CTNNA3: variants seen among roughly 807,000 people sequenced by gnomAD.
CTNNA3 encodes catenin alpha 3.
CTNNA3 carries 76 observed loss-of-function variants against 95.7 expected under a neutral mutation model. That is an observed-to-expected ratio of 0.79 (90% confidence interval 0.66 to 0.96). CTNNA3 has a LOEUF of 0.96. Ranked by LOEUF, CTNNA3 falls within the 40% of genes least tolerant of loss-of-function variation. The pLI is 0.00. For synonymous variants in CTNNA3, 431 were observed against 374.4 expected, an observed-to-expected ratio of 1.15 and a Z score of -1.74; for missense variants, 1,191 against 1,089.8, an observed-to-expected ratio of 1.09 and a Z score of -1.31.
intron 13 of CTNNA3, among the ~76,000 whole-genome samples, chr10:66,161,733 G>A (rs10996938): frequency 0.17 from 26,599 of 152,028 alleles, 2,777 homozygotes; most frequent in South Asian, 0.4. Context: ...TCTTGTATTT[G>A]GATGTCTAGG....
At chr10:67,093,668 CT>C (rs1389469428) in intron 7 of CTNNA3, among the ~76,000 whole-genome samples, 7 of 151,810 alleles carry the variant, frequency 4.6e-5, no homozygotes, top group African/African-American at 1.5e-4. Context: ...AAAACTGAAA[CT>C]CCCCCCCAAC....
intron 13 of CTNNA3, among the ~76,000 whole-genome samples, chr10:66,159,212 G>C (rs889091087): frequency 6.6e-6 from 1 of 152,026 alleles, no homozygotes; most frequent in African/African-American, 2.4e-5. Flanking sequence ...GTAGTGGTGA[G>C]AGTGGGCACG....
chr10:67,539,787 G>A, intron 3 of CTNNA3, 118 bp from the exon 4 acceptor site: 1 of 839,474 alleles, frequency 1.2e-6, no homozygotes, highest in Non-Finnish European at 1.8e-6. Flanking sequence ...TAAAAATATT[G>A]TCAGTTGACA....
chr10:67,108,536 A>C (rs1858768611), intron 7 of CTNNA3, among the ~76,000 whole-genome samples: 1 of 152,218 alleles, frequency 6.6e-6, no homozygotes, highest in South Asian at 2.1e-4. Flanking sequence ...CACAGTGATC[A>C]AATGCTTATA....
intron 13 of CTNNA3, among the ~76,000 whole-genome samples, chr10:66,163,971 A>C (rs1195453380): frequency 6.6e-6 from 1 of 152,170 alleles, no homozygotes; most frequent in Non-Finnish European, 1.5e-5. Flanking sequence ...TACATATTTG[A>C]GTAACATTGT....
intron 14 of CTNNA3, among the ~76,000 whole-genome samples, chr10:66,071,142 A>C (rs2080426190): frequency 6.6e-6 from 1 of 152,176 alleles, no homozygotes; most frequent in Non-Finnish European, 1.5e-5. Flanking sequence ...TAGGTGAAAA[A>C]TTCTTTATTG....
chr10:67,698,445 T>C (rs1841006746), upstream of CTNNA3, among the ~76,000 whole-genome samples: 1 of 152,112 alleles, frequency 6.6e-6, no homozygotes, highest in Non-Finnish European at 1.5e-5. Flanking sequence ...AAGGGAGGCC[T>C]CCAAAAAGAA....
intron 7 of CTNNA3, among the ~76,000 whole-genome samples, chr10:66,959,463 G>A (rs375150894): frequency 9.2e-5 from 14 of 152,100 alleles, no homozygotes; most frequent in Middle Eastern, 6.8e-3. Flanking sequence ...GCGGCAATTG[G>A]GCCAAGAGAA....
rs1462565071 is a variant in CTNNA3, at chr10:67,472,233, TA to T, written c.579+49608del. On this transcript the variant is annotated intron_variant, in intron 5 of 17. Coordinates refer to ENST00000433211, the MANE Select transcript of CTNNA3 (RefSeq NM_013266.4). ...TATTTGTACTTCCTGGACTTTCACC[TA>T]TATTTCATATCTCTGCACTTCTACA... Among the ~76,000 whole-genome samples the T allele has an allele frequency of 1.4e-4, 21 of 152,332 alleles. 1 individual carries two copies. The South Asian group carries it at 4.4e-3, about 32-fold the overall frequency.
At chr10:66,523,883 A>C (rs1336252653) in intron 10 of CTNNA3, among the ~76,000 whole-genome samples, 2 of 152,126 alleles carry the variant, frequency 1.3e-5, no homozygotes, top group African/African-American at 2.4e-5. Context: ...ATAAAATCCT[A>C]GTTGACTAAA....
At chr10:67,569,331 C>T (rs1841911123) in intron 3 of CTNNA3, among the ~76,000 whole-genome samples, 1 of 152,074 alleles carries the variant, frequency 6.6e-6, no homozygotes, top group Admixed American at 6.6e-5. Context: ...ACTTGATATG[C>T]TGGACATATA....
chr10:66,157,169 T>G (rs2084554750), intron 13 of CTNNA3, among the ~76,000 whole-genome samples: 1 of 151,910 alleles, frequency 6.6e-6, no homozygotes, highest in Non-Finnish European at 1.5e-5. Context: ...GCACCTTATT[T>G]GTAGTGTTTT....
Position 66,766,046 on chromosome 10 carries a change from G to C in CTNNA3, c.1281+218C>G, listed in dbSNP as rs1179707283. ...TATTCTGCATTTAGCCAGTTCCTTT[G>C]TGAAGCTCTAATAAAATATGTGTTT... On this transcript the variant is annotated intron_variant, in intron 9 of 17. Coordinates refer to ENST00000433211, the MANE Select transcript of CTNNA3 (RefSeq NM_013266.4). 7 of 425,518 alleles carry C rather than the reference G, an allele frequency of 1.6e-5. No homozygotes were observed. The East Asian group carries it at 2.3e-4, about 14-fold the overall frequency. 26.4% of individuals were successfully genotyped at this position (425,518 alleles called of 1,614,324 possible).
At chr10:66,220,885 G>C (rs939155924) in intron 13 of CTNNA3, among the ~76,000 whole-genome samples, 1 of 152,128 alleles carries the variant, frequency 6.6e-6, no homozygotes, top group East Asian at 1.9e-4. Flanking sequence ...GTACAGGATG[G>C]GGGGTGAGGT....
At chr10:67,314,862 T>C (rs1840975122) in intron 5 of CTNNA3, among the ~76,000 whole-genome samples, 2 of 152,230 alleles carry the variant, frequency 1.3e-5, no homozygotes, top group African/African-American at 4.8e-5. Context: ...GGTTTATCAG[T>C]AGTTTGCCTG....
At chr10:66,120,709 T>C (rs984725141) in intron 13 of CTNNA3, among the ~76,000 whole-genome samples, 1 of 152,208 alleles carries the variant, frequency 6.6e-6, no homozygotes, top group African/African-American at 2.4e-5. Context: ...TTTTGTTAGA[T>C]AATTGAAAAC....
At chr10:66,331,338 G>GCTTGCTTGCT (rs1417713676) in intron 12 of CTNNA3, among the ~76,000 whole-genome samples, 12 of 39,112 alleles carry the variant, frequency 3.1e-4, no homozygotes, top group African/African-American at 8.6e-4. Context: ...TTTCCCCATT[G>GCTTGCTTGCT]TTTGTTTTTT....
rs35986816 is a variant in CTNNA3, at chr10:65,918,774, CT to C, written c.*1555del. On this transcript the variant is annotated 3_prime_UTR_variant, in exon 18 of 18. Coordinates refer to ENST00000433211, the MANE Select transcript of CTNNA3 (RefSeq NM_013266.4). ...CATTTCCTGCATAATTAATAATGAC[CT>C]ATTAAATAGATCCTTCTTTTCCCAT... 41,505 of 151,952 alleles carry C rather than the reference CT, an allele frequency of 0.27. 6,215 individuals are homozygous for C. The highest frequency in any genetic ancestry group is 0.41 in the Middle Eastern group (122 of 294). The allele number at this position is 151,952 out of a possible 1,614,324, so 9.4% of individuals were successfully genotyped here. A position where few individuals can be genotyped will look rare whatever the true frequency, so the allele number is the denominator to read the frequency against.
chr10:66,532,613 T>G (rs962330850), intron 10 of CTNNA3, among the ~76,000 whole-genome samples: 5 of 152,152 alleles, frequency 3.3e-5, no homozygotes, highest in Admixed American at 1.3e-4. Flanking sequence ...TGTCAAATGA[T>G]TTTTGCTCTG....
Sources: allele counts gnomAD v4.1 joint callset (sites outside exome capture counted in the v4.1 genomes callset), GRCh38; gene constraint gnomAD v4.1.1; transcripts MANE v1.5; gene names NCBI Gene and HGNC (gene_info 2026-07-23, HGNC 2026-07-21).